The following ZBTB20 variants were observed in gnomAD, a reference collection of about 807,000 sequenced individuals.
ZBTB20 encodes zinc finger and BTB domain containing 20, also known as zinc finger and BTB domain-containing protein 20.
Under a neutral mutation model 56.9 loss-of-function variants are expected in ZBTB20, and 9 were observed. The observed-to-expected ratio is 0.16, with a 90% CI of 0.10 to 0.28. The LOEUF (loss-of-function observed/expected upper bound fraction) is 0.28, where lower values mean the gene tolerates loss of function less well. ZBTB20 is among the 10% of genes least tolerant of loss of function. The pLI, the probability that ZBTB20 is intolerant of heterozygous loss-of-function variation, is 1.00. For missense variants in ZBTB20, 655 were observed against 1,003.0 expected (o/e 0.65, Z 4.69); for synonymous variants, 417 against 420.7 (o/e 0.99, Z 0.11).
At chr3:114,552,553 A>C (rs1362254716) in intron 6 of ZBTB20, among the ~76,000 whole-genome samples, 2 of 152,112 alleles carry the variant, frequency 1.3e-5, no homozygotes, top group Non-Finnish European at 2.9e-5. Flanking sequence ...AACCGCCCAA[A>C]ATTAATGGGA....
At chr3:114,525,965 T>C (rs559697875) in intron 6 of ZBTB20, among the ~76,000 whole-genome samples, 5 of 152,388 alleles carry the variant, frequency 3.3e-5, no homozygotes, top group South Asian at 2.1e-4. Context: ...ATTGCCATTA[T>C]TGTTCCTGGA....
chr3:114,987,583 G>A (rs1337002891), intron 2 of ZBTB20, among the ~76,000 whole-genome samples: 1 of 152,096 alleles, frequency 6.6e-6, no homozygotes, highest in Non-Finnish European at 1.5e-5. Flanking sequence ...TGCTCTTGCT[G>A]TTTGTTCAGC....
chr3:114,739,282 A>T (rs2066406573), intron 5 of ZBTB20, among the ~76,000 whole-genome samples: 1 of 152,204 alleles, frequency 6.6e-6, no homozygotes, highest in South Asian at 2.1e-4. Context: ...TCTTAAGGCA[A>T]AACCTTTCTA....
intron 6 of ZBTB20, chr3:114,687,933 CAA>C (rs749115887): frequency 4.6e-5 from 7 of 152,042 alleles, no homozygotes; most frequent in Admixed American, 3.9e-4. Flanking sequence ...GACGAGAAAT[CAA>C]AGTCTTCTTA....
At chr3:114,631,030 T>C (rs1560062053) in intron 6 of ZBTB20, among the ~76,000 whole-genome samples, 1 of 152,184 alleles carries the variant, frequency 6.6e-6, no homozygotes, top group Non-Finnish European at 1.5e-5. Flanking sequence ...TAAATACCTA[T>C]AATAGAATAT....
intron 4 of ZBTB20, among the ~76,000 whole-genome samples, chr3:114,860,389 G>A (rs1248429068): frequency 1.3e-5 from 2 of 152,228 alleles, no homozygotes; most frequent in East Asian, 3.9e-4. Flanking sequence ...GGCCTTCATG[G>A]GGGAGATGGC....
chr3:114,936,681 A>C (rs1319269277), intron 3 of ZBTB20, among the ~76,000 whole-genome samples: 1 of 152,226 alleles, frequency 6.6e-6, no homozygotes, highest in Admixed American at 6.5e-5. Flanking sequence ...TTTAAAAGTG[A>C]GATACTAGTC....
chr3:114,593,568 G>C (rs187177159), intron 6 of ZBTB20, among the ~76,000 whole-genome samples: 51 of 152,082 alleles, frequency 3.4e-4, no homozygotes, highest in Middle Eastern at 3.4e-3. Flanking sequence ...ATTTTTAGTA[G>C]AGACAGGGTT....
chr3:115,013,052 G>A (rs1316373863), intron 2 of ZBTB20, among the ~76,000 whole-genome samples: 1 of 151,574 alleles, frequency 6.6e-6, no homozygotes, highest in Non-Finnish European at 1.5e-5. Context: ...AAAATCTATG[G>A]GATACAGCAA....
At position 114,398,479 on chromosome 3, in the gene ZBTB20, C is replaced by T. The variant is rs190535934; in HGVS notation, c.-254-9374G>A. 1.5e-3 allele frequency among the ~76,000 whole-genome samples: 235 copies of T among 152,242 alleles called. 2 individuals are homozygous for T. In the Middle Eastern group the frequency reaches 0.024, roughly 15 times the overall value. On this transcript the variant is annotated intron_variant, in intron 7 of 11. Transcript: ENST00000675478. ...CACAATATTGGGAAGAAACACTACC[C>T]GCCATCACTGCCATTGCCCTGAAAA...
chr3:114,957,123 G>A (rs2077273418), intron 3 of ZBTB20, among the ~76,000 whole-genome samples: 1 of 152,156 alleles, frequency 6.6e-6, no homozygotes, highest in Non-Finnish European at 1.5e-5. Flanking sequence ...ACATGAAAAT[G>A]TTGTGTTCTG....
At chr3:114,794,566 T>C (rs2071207056) in intron 5 of ZBTB20, among the ~76,000 whole-genome samples, 1 of 152,174 alleles carries the variant, frequency 6.6e-6, no homozygotes, top group Non-Finnish European at 1.5e-5. Context: ...TATAACATTT[T>C]CTGGTTCCAG....
At chr3:114,955,617 T>C (rs1010039357) in intron 3 of ZBTB20, among the ~76,000 whole-genome samples, 1 of 152,148 alleles carries the variant, frequency 6.6e-6, no homozygotes, top group Non-Finnish European at 1.5e-5. Context: ...ATGTCTTCCA[T>C]GCAAGATATT....
intron 2 of ZBTB20, among the ~76,000 whole-genome samples, chr3:115,016,090 C>T (rs146857743): frequency 0.02 from 3,030 of 151,414 alleles, 41 homozygotes; most frequent in South Asian, 0.032. Flanking sequence ...GCTTTTTTCA[C>T]GTTTGTTGGC....
intron 1 of ZBTB20, among the ~76,000 whole-genome samples, chr3:115,075,470 A>T: frequency 6.6e-6 from 1 of 152,140 alleles, no homozygotes; most frequent in Admixed American, 6.5e-5. Flanking sequence ...CTCTTTTTTA[A>T]AGACTGAATA....
chr3:114,417,148 G>A (rs958090914), intron 7 of ZBTB20, among the ~76,000 whole-genome samples: 4 of 152,018 alleles, frequency 2.6e-5, no homozygotes, highest in Non-Finnish European at 5.9e-5. Context: ...ATGGATTAAC[G>A]AGTTCTTGTT....
At chr3:114,887,297 C>T (rs983973040) in intron 4 of ZBTB20, among the ~76,000 whole-genome samples, 3 of 152,038 alleles carry the variant, frequency 2.0e-5, no homozygotes, top group Admixed American at 2.0e-4. Context: ...ATAAGTCTTC[C>T]ATAGATATTT....
At chr3:114,781,683 C>A (rs943883571) in intron 5 of ZBTB20, among the ~76,000 whole-genome samples, 2 of 152,168 alleles carry the variant, frequency 1.3e-5, no homozygotes, top group Non-Finnish European at 2.9e-5. Context: ...CCATCCAGAT[C>A]TCATCTTGAA....
intron 7 of ZBTB20, among the ~76,000 whole-genome samples, chr3:114,405,555 T>C (rs1488977693): frequency 6.6e-6 from 1 of 152,186 alleles, no homozygotes; most frequent in Non-Finnish European, 1.5e-5. Flanking sequence ...TTTATATATG[T>C]ATACAATTTT....
Sources: gnomAD v4.1 joint callset for allele counts (sites outside exome capture counted in the v4.1 genomes callset) on GRCh38, gnomAD v4.1.1 for gene constraint, MANE v1.5 for transcripts, NCBI Gene and HGNC (gene_info 2026-07-23, HGNC 2026-07-21) for gene names.